CASP1: variants seen among roughly 807,000 people sequenced by gnomAD.
The protein encoded by CASP1 is caspase 1, also known as caspase-1.
In CASP1, 31 loss-of-function variants were observed where a neutral mutation model predicts 41.2. That is an observed-to-expected ratio of 0.75 (90% CI 0.57 to 1.02). CASP1 has a LOEUF of 1.02. Among genes scored for constraint, CASP1 ranks in the 50% least tolerant of loss-of-function variants. The pLI is 0.00. For synonymous variants in CASP1, 163 were observed against 166.5 expected (o/e 0.98, Z 0.16); for missense variants, 490 against 495.7 (o/e 0.99, Z 0.11).
chr11:105,029,912 A>G lies in CASP1; in HGVS notation c.628-13T>C, dbSNP rs192726653. 85 of 1,567,242 alleles carry G rather than the reference A, an allele frequency of 5.4e-5. No individual in the cohort carries two copies. The highest frequency in any genetic ancestry group is 7.0e-5 in the Non-Finnish European group (80 of 1,137,318). Reference sequence around the variant, plus strand: ...CTGTAGTCATGTCCTGAAAGACACCATATCACTGATTTTCGACTATGTAAT... The same window carrying G: ...CTGTAGTCATGTCCTGAAAGACACCGTATCACTGATTTTCGACTATGTAAT... On this transcript the variant is annotated splice_polypyrimidine_tract_variant and intron_variant, in intron 5 of 8. Transcript: ENST00000533400.
In CASP1 at chr11:105,034,342, T is replaced by C. The variant is rs150883720; in HGVS notation, c.140A>G (p.Asn47Ser). The C allele has an allele frequency of 1.8e-4, 283 of 1,614,134 alleles. 1 individual carries two copies. In the African/African-American group the frequency reaches 3.3e-3, roughly 19 times the overall value. The change falls in exon 2 of 9, where the codon AAT (asparagine) becomes AGT (serine). Residue 47 changes from asparagine to serine, a missense_variant. By Grantham distance (46) the Asn-to-Ser change is conservative. Coordinates refer to ENST00000533400, the MANE Select transcript of CASP1 (RefSeq NM_001257118.3). ...KEEMEKVKRE[N>S]ATVMDKTRAL... ...TCGGGTCTTATCCATAACTGTAGCA[T>C]TTTCACGTTTTACTTTCTCCATCTC...
At position 105,026,249 on chromosome 11, in the gene CASP1, T is replaced by G. The variant is rs372176221; in HGVS notation, c.*9A>C. On this transcript the variant is annotated 3_prime_UTR_variant, in exon 9 of 9. Transcript: ENST00000533400. ...ACCTGCCCACAGACATTCATACAGT[T>G]TCCTTATTTTAATGTCCTGGGAAGA... is the stretch of plus-strand genomic sequence containing the variant. The G allele has an allele frequency of 1.3e-5, 20 of 1,557,706 alleles. No homozygotes were observed. The African/African-American group carries it at 2.7e-4, about 21-fold the overall frequency.
In CASP1 at chr11:105,029,130, T is replaced by C. The variant is rs1294257092; in HGVS notation, c.1000A>G (p.Thr334Ala). The change falls in exon 7 of 9, where the codon ACA (threonine) becomes GCA (alanine). Residue 334 changes from threonine to alanine, a missense_variant. Transcript: ENST00000533400. ...CTGTGTAGAAACCTGTTACCTGGTG[T>C]GGAAGAGCAGAAAGCGATAAAATCC... ...EKDFIAFCSS[T>A]PDNVSWRHPT... 6.2e-7 allele frequency: 1 copy of C among 1,612,722 alleles called. No homozygotes were observed. Among genetic ancestry groups the C allele is most frequent in the Non-Finnish European group, 8.5e-7 (1 of 1,179,320 alleles).
Position 105,026,385 on chromosome 11 carries a change from T to C in CASP1, c.1117-29A>G, listed in dbSNP as rs191530671. 7,586 of 1,375,268 alleles carry C rather than the reference T, an allele frequency of 5.5e-3. 36 individuals are homozygous for C. The highest frequency in any genetic ancestry group is 6.9e-3 in the Non-Finnish European group (6,849 of 985,908). The allele number at this position is 1,375,268 out of a possible 1,614,324, so 85.2% of individuals were successfully genotyped here. ...AAAGAGTAAGGAAAGTCTGTAGCCC[T>C]TTTTTTTGCTGAGTTTTTTTTTTCA... On this transcript the variant is annotated intron_variant, in intron 8 of 8. Transcript: ENST00000533400.
chr11:105,033,868 A>T (rs1421789261), intron 2 of CASP1: 1 of 621,484 alleles, frequency 1.6e-6, no homozygotes. Context: ...GACCCCTTGC[A>T]CTCAGCAAAA....
At chr11:105,028,453 A>G (rs1863458521) in intron 7 of CASP1, among the ~76,000 whole-genome samples, 1 of 152,100 alleles carries the variant, frequency 6.6e-6, no homozygotes. Flanking sequence ...GCAGTTTTTT[A>G]ATGTGTGCTT....
upstream of CASP1, among the ~76,000 whole-genome samples, chr11:105,035,616 C>CTTTTCTTT (rs770202897): frequency 1.9e-5 from 1 of 52,072 alleles, no homozygotes; most frequent in African/African-American, 5.0e-5. Flanking sequence ...TTTTTTCTTT[C>CTTTTCTTT]TGTTTTTTTT....
In CASP1 at chr11:105,027,130, G is replaced by A. The variant is rs113392541; in HGVS notation, c.1007-179C>T. On this transcript the variant is annotated intron_variant, in intron 7 of 8. Coordinates refer to ENST00000533400, the MANE Select transcript of CASP1 (RefSeq NM_001257118.3). ...GGATTTGGAAATGAAATATCTAAAT[G>A]TGCATTCCCAAAGTGGTATTACTGA... 8.1e-5 allele frequency: 53 copies of A among 654,848 alleles called. 2 individuals are homozygous for A. Among genetic ancestry groups the A allele is most frequent in the African/African-American group, 4.0e-4 (22 of 55,150 alleles). The allele number at this position is 654,848 out of a possible 1,614,324, so 40.6% of individuals were successfully genotyped here. A position where few individuals can be genotyped will look rare whatever the true frequency, so the allele number is the denominator to read the frequency against.
rs1863289046 is a variant in CASP1 at position 105,026,424 on chromosome 11, T to A, written c.1117-68A>T. On this transcript the variant is annotated intron_variant, in intron 8 of 8. Coordinates refer to ENST00000533400, the MANE Select transcript of CASP1 (RefSeq NM_001257118.3). ...TTTTTTTTTTCAAGAATTTCTTGAG[T>A]TATGCCAAAAAACTACAACAAATAT... 3.9e-5 allele frequency: 40 copies of A among 1,018,808 alleles called. No homozygotes were observed. The South Asian group carries it at 5.4e-4, about 14-fold the overall frequency. The allele number at this position is 1,018,808 out of a possible 1,614,324, so 63.1% of individuals were successfully genotyped here. A position where few individuals can be genotyped will look rare whatever the true frequency, so the allele number is the denominator to read the frequency against.
chr11:105,034,189 G>T lies in CASP1; in HGVS notation c.274+19C>A, dbSNP rs765359370. ...AGACAGGCCCTAGGTGAACTTGAGTGTAAGTCACTGACCCTTACCTGCTGA... is the reference window on the plus strand; with the variant it reads ...AGACAGGCCCTAGGTGAACTTGAGTTTAAGTCACTGACCCTTACCTGCTGA... On this transcript the variant is annotated intron_variant, in intron 2 of 8. Coordinates refer to ENST00000533400, the MANE Select transcript of CASP1 (RefSeq NM_001257118.3). The T allele has an allele frequency of 2.5e-6, 4 of 1,613,808 alleles. No homozygotes were observed. In the African/African-American group the frequency reaches 4.0e-5, roughly 16 times the overall value.
At chr11:105,029,538 C>G (rs1315519807) in intron 6 of CASP1, 127 bp downstream of exon 6, 6 of 689,756 alleles carry the variant, frequency 8.7e-6, no homozygotes, top group Non-Finnish European at 1.5e-5. Context: ...AAGCTGCATT[C>G]TTGAATACTG....
chr11:105,033,901 T>A, intron 2 of CASP1: 1 of 682,710 alleles, frequency 1.5e-6, no homozygotes, highest in Non-Finnish European at 2.7e-6. Flanking sequence ...GTAAATATTT[T>A]GCCTTGCCAG....
At position 105,031,231 on chromosome 11, in the gene CASP1, T is replaced by A. The variant is rs1016243644; in HGVS notation, c.387A>T (p.Ser129=). 2 of 1,613,024 alleles carry A rather than the reference T, an allele frequency of 1.2e-6. No individual in the cohort carries two copies. The highest frequency in any genetic ancestry group is 2.7e-5 in the African/African-American group (2 of 74,990). ...GGGAGCAAAGCTTGACATTCCCTTC[T>A]GAGCCTGAGGATGTGGGCATAGCTG... ...DNPAMPTSSG[S]EGNVKLCSLE... is the part of the protein sequence containing the mutation. Residue 129 remains serine (S), a synonymous_variant, in exon 4 of 9, where the codon TCA becomes TCT. Transcript: ENST00000533400.
chr11:105,034,062 T>G, intron 2 of CASP1, 146 bp downstream of exon 2: 1 of 1,304,100 alleles, frequency 7.7e-7, no homozygotes, highest in Non-Finnish European at 1.1e-6. Flanking sequence ...TCAAGGGACA[T>G]GCAATAGGGA....
At chr11:105,035,174 T>C (rs1591208887), upstream of CASP1, 1 of 1,607,162 alleles carries the variant, frequency 6.2e-7, no homozygotes, top group East Asian at 2.2e-5. Flanking sequence ...CCTTCCTTTT[T>C]GGCAGGGCCT....
At position 105,033,823 on chromosome 11, in the gene CASP1, C is replaced by T. The variant is rs940566475; in HGVS notation, c.274+385G>A. ...AAGTATTTGATTATAAACCTTAAAG[C>T]TTCATGTGACTTTACAACTACATAA... is the stretch of plus-strand genomic sequence containing the variant. On this transcript the variant is annotated intron_variant, in intron 2 of 8. Transcript: ENST00000533400. The T allele has an allele frequency of 1.7e-4, 90 of 526,706 alleles. 1 individual carries two copies. Among genetic ancestry groups the T allele is most frequent in the South Asian group, 8.3e-4 (55 of 66,558 alleles). The allele number at this position is 526,706 out of a possible 1,614,324, so 32.6% of individuals were successfully genotyped here.
chr11:105,032,490 T>C (rs1455718124), intron 3 of CASP1, among the ~76,000 whole-genome samples: 1 of 152,162 alleles, frequency 6.6e-6, no homozygotes. Context: ...AGCCTCTACA[T>C]TGCTTTCAGA....
rs1232312628 is a variant in CASP1 at position 105,029,198 on chromosome 11, T to C, written c.932A>G (p.Glu311Gly). 3.1e-6 allele frequency: 5 copies of C among 1,613,270 alleles called. No individual in the cohort carries two copies. The Admixed American group carries it at 8.3e-5, about 27-fold the overall frequency. ...CTTAATAGCATCATCCTCAAACTCT[T>C]CTGTAGTTGGTAAAGATAGGTTTCC... is the stretch of plus-strand genomic sequence containing the variant. The part of the protein sequence containing the change: ...VSGNLSLPTT[E>G]EFEDDAIKKA... The change falls in exon 7 of 9, where the codon GAA becomes GGA. Residue 311 changes from glutamate to glycine, a missense_variant. Coordinates refer to ENST00000533400, the MANE Select transcript of CASP1 (RefSeq NM_001257118.3).
At chr11:105,035,241 C>T, upstream of CASP1, 1 of 1,296,778 alleles carries the variant, frequency 7.7e-7, no homozygotes, top group Non-Finnish European at 1.1e-6. Flanking sequence ...TATTTTTCTT[C>T]CCATTAAAGA....
Sources: gnomAD v4.1 joint callset for allele counts (sites outside exome capture counted in the v4.1 genomes callset) on GRCh38, gnomAD v4.1.1 for gene constraint, MANE v1.5 for transcripts, NCBI Gene and HGNC (gene_info 2026-07-23, HGNC 2026-07-21) for gene names.